Variants in POLD3 observed in about 807,000 individuals in gnomAD.
The protein encoded by POLD3 is DNA polymerase delta subunit 3.
Under a neutral mutation model 58.2 loss-of-function variants are expected in POLD3, and 19 were observed. The ratio of observed to expected loss-of-function variants is 0.33; its 90% confidence interval spans 0.23 to 0.48. The LOEUF (loss-of-function observed/expected upper bound fraction) is 0.48. Among genes scored for constraint, POLD3 ranks in the 20% least tolerant of loss-of-function variants. The pLI, the probability that POLD3 is intolerant of heterozygous loss-of-function variation, is 0.99. For synonymous variants in POLD3, 172 were observed against 193.5 expected (o/e 0.89, Z 0.92); for missense variants, 504 against 545.5 (o/e 0.92, Z 0.76).
chr11:74,625,871 TTGTGTGTGTGTG>T (rs56365420), intron 8 of POLD3, among the ~76,000 whole-genome samples: 5 of 143,572 alleles, frequency 3.5e-5, no homozygotes, highest in African/African-American at 1.0e-4. Context: ...GTGTGCCTAG[TTGTGTGTGTGTG>T]TGTGTGTGTG....
intron 4 of POLD3, among the ~76,000 whole-genome samples, chr11:74,648,771 A>G (rs4944926): frequency 0.82 from 124,533 of 152,176 alleles, 51,132 homozygotes; most frequent in Middle Eastern, 0.94. Context: ...GAATTTTAAC[A>G]TGTCAGATTC....
chr11:74,665,391 ATTTTTTTT>A (rs1202426924), intron 4 of POLD3, among the ~76,000 whole-genome samples: 9 of 83,308 alleles, frequency 1.1e-4, no homozygotes, highest in African/African-American at 4.5e-4. Flanking sequence ...CCCTTTTATA[ATTTTTTTT>A]TTTTTTTTTT....
intron 4 of POLD3, chr11:74,652,853 G>A: frequency 5.9e-6 from 1 of 169,996 alleles, no homozygotes; most frequent in South Asian, 1.6e-4. Flanking sequence ...CCCAGCTTTG[G>A]CAGCACAATA....
At chr11:74,630,681 A>T (rs1225482789) in intron 9 of POLD3, among the ~76,000 whole-genome samples, 1 of 152,236 alleles carries the variant, frequency 6.6e-6, no homozygotes, top group Non-Finnish European at 1.5e-5. Flanking sequence ...AATAATTAGG[A>T]AGTAAATGTA....
At chr11:74,665,510 C>T (rs1306771754) in intron 4 of POLD3, among the ~76,000 whole-genome samples, 3 of 146,110 alleles carry the variant, frequency 2.1e-5, no homozygotes, top group Non-Finnish European at 4.5e-5. Context: ...AAGCAAGTCT[C>T]TTGCCTCAGC....
rs149049489 is a variant in POLD3, at chr11:74,625,423, A to G, written c.749A>G (p.Asn250Ser). The G allele has an allele frequency of 1.4e-4, 231 of 1,607,556 alleles. No homozygotes were observed. The highest frequency in any genetic ancestry group is 1.9e-4 in the Non-Finnish European group (221 of 1,177,790). The change falls in exon 8 of 12, where the codon AAT (asparagine) becomes AGT (serine). Residue 250 changes from asparagine to serine, a missense_variant. Physicochemically the swap from Asn to Ser is conservative, Grantham distance 46. This residue lies in a region of POLD3 where 385 missense variants were observed against 370.5 expected (regional missense o/e 1.04). Coordinates refer to ENST00000263681, the MANE Select transcript of POLD3 (RefSeq NM_006591.3). ...TTATTTATAGATAAATTTAAAGTCA[A>G]TTTGGACTCAGAACAAGCAGTGAAA... Reference protein sequence around the residue: ...GKAAMNKFKVNLDSEQAVKEE... With the variant: ...GKAAMNKFKVSLDSEQAVKEE...
At chr11:74,635,696 C>G (rs2032728167) in intron 10 of POLD3, among the ~76,000 whole-genome samples, 1 of 151,954 alleles carries the variant, frequency 6.6e-6, no homozygotes, top group Non-Finnish European at 1.5e-5. Context: ...AACAAACAAA[C>G]AAAAAAAGAA....
At chr11:74,666,406 A>G (rs1027457324) in intron 4 of POLD3, among the ~76,000 whole-genome samples, 3 of 152,190 alleles carry the variant, frequency 2.0e-5, no homozygotes, top group Non-Finnish European at 2.9e-5. Context: ...GGATCACCTG[A>G]GGTCAGGAGT....
chr11:74,594,149 T>C lies in POLD3; in HGVS notation c.116+33T>C, dbSNP rs769404560. The C allele has an allele frequency of 3.0e-6, 4 of 1,331,128 alleles. No individual in the cohort carries two copies. In the African/African-American group the frequency reaches 5.8e-5, roughly 19 times the overall value. The allele number at this position is 1,331,128 out of a possible 1,614,324, so 82.5% of individuals were successfully genotyped here. On this transcript the variant is annotated intron_variant, in intron 2 of 11. Transcript: ENST00000263681. ...CAATTTACTACCAATTTTAATCATA[T>C]TGGAATTTTTTTTTGTTTTGTTATG... is the stretch of plus-strand genomic sequence containing the variant.
intron 2 of POLD3, among the ~76,000 whole-genome samples, chr11:74,602,908 T>C (rs536416633): frequency 6.6e-6 from 1 of 152,332 alleles, no homozygotes; most frequent in East Asian, 1.9e-4. Context: ...TCCCAAGATA[T>C]CCACCTTGCT....
chr11:74,608,075 C>A (rs899292664), intron 3 of POLD3, among the ~76,000 whole-genome samples: 2 of 152,156 alleles, frequency 1.3e-5, no homozygotes, highest in African/African-American at 2.4e-5. Context: ...GAAGAACTGT[C>A]AACCTGATCT....
At chr11:74,592,740 A>G in intron 1 of POLD3, 22 bp downstream of exon 1, 1 of 1,613,532 alleles carries the variant, frequency 6.2e-7, no homozygotes, top group Non-Finnish European at 8.5e-7. Flanking sequence ...CTACTGGGGA[A>G]CGCGGGCGTG....
At chr11:74,621,319 A>G (rs979274439) in intron 7 of POLD3, among the ~76,000 whole-genome samples, 2 of 152,076 alleles carry the variant, frequency 1.3e-5, no homozygotes, top group African/African-American at 4.8e-5. Flanking sequence ...AGCACATGTG[A>G]GGGATCTAGA....
At chr11:74,628,101 C>T (rs1459988507) in intron 8 of POLD3, among the ~76,000 whole-genome samples, 1 of 152,080 alleles carries the variant, frequency 6.6e-6, no homozygotes, top group East Asian at 1.9e-4. Flanking sequence ...GTTTTTAAAA[C>T]TCAGTCAAAA....
At chr11:74,613,697 C>G (rs1056596546) in intron 5 of POLD3, among the ~76,000 whole-genome samples, 4 of 152,166 alleles carry the variant, frequency 2.6e-5, no homozygotes, top group African/African-American at 9.7e-5. Context: ...TTGACAGGTA[C>G]TGAGCAAAAT....
At chr11:74,621,176 C>T (rs1175459879) in intron 7 of POLD3, among the ~76,000 whole-genome samples, 1 of 152,068 alleles carries the variant, frequency 6.6e-6, no homozygotes, top group Non-Finnish European at 1.5e-5. Flanking sequence ...GGTAGCAGTC[C>T]GTGGCCTCTT....
intron 7 of POLD3, among the ~76,000 whole-genome samples, chr11:74,624,152 T>C (rs1279814273): frequency 6.6e-6 from 1 of 152,246 alleles, no homozygotes; most frequent in Non-Finnish European, 1.5e-5. Flanking sequence ...TTTGCATAAA[T>C]TTTAAAGCTA....
rs139816316 is a variant in POLD3, at chr11:74,648,209, A to G, written c.369+11934A>G. Among the ~76,000 whole-genome samples, 321 of 152,312 alleles carry G rather than the reference A, an allele frequency of 2.1e-3. 1 individual carries two copies. Among genetic ancestry groups the G allele is most frequent in the African/African-American group, 7.3e-3 (302 of 41,566 alleles). ...CTCAGGTAGGTGTGATCTTGCCAGT[A>G]AGTCTGAGTCTTTTTGGCTACGATC... On this transcript the variant is annotated intron_variant, in intron 4 of 4. Coordinates refer to the POLD3 transcript ENST00000524752.
chr11:74,643,031 T>A lies in POLD3; in HGVS notation c.*2265T>A. ...GCAAGTTTCACAGCCTCAAGTTCTT[T>A]ATCAAAATAAAACTAAAATGAGTTA... is the stretch of plus-strand genomic sequence containing the variant. On this transcript the variant is annotated 3_prime_UTR_variant, in exon 12 of 12. Transcript: ENST00000263681. 1 of 673,858 alleles carries A rather than the reference T, an allele frequency of 1.5e-6. No individual in the cohort carries two copies. The highest frequency in any genetic ancestry group is 1.8e-6 in the Non-Finnish European group (1 of 545,564). 41.7% of individuals were successfully genotyped at this position (673,858 alleles called of 1,614,324 possible).
Sources: gnomAD v4.1 joint callset for allele counts (sites outside exome capture counted in the v4.1 genomes callset) on GRCh38, gnomAD v4.1.1 for gene constraint, gnomAD v4.1.1 regional missense constraint, MANE v1.5 for transcripts, NCBI Gene and HGNC (gene_info 2026-07-23, HGNC 2026-07-21) for gene names.